SLC5A4: variants seen among roughly 807,000 people sequenced by gnomAD.
SLC5A4 encodes probable glucose sensor protein SLC5A4.
Under a neutral mutation model 70.3 loss-of-function variants are expected in SLC5A4, and 55 were observed. The observed-to-expected ratio is 0.78, with a 90% CI of 0.63 to 0.98. SLC5A4 has a LOEUF of 0.98. Among genes scored for constraint, SLC5A4 ranks in the 50% least tolerant of loss-of-function variants. The pLI, the probability that SLC5A4 is intolerant of heterozygous loss-of-function variation, is 0.00. For synonymous variants in SLC5A4, 268 were observed against 305.7 expected, an observed-to-expected ratio of 0.88 and a Z score of 1.29; for missense variants, 735 against 839.2, an observed-to-expected ratio of 0.88 and a Z score of 1.53.
the SLC5A4 span, among the ~76,000 whole-genome samples, chr22:32,292,154 TTATA>T: frequency 1.2e-4 from 6 of 50,786 alleles, no homozygotes; most frequent in Middle Eastern, 6.8e-3. Flanking sequence ...ATTCTATATA[TTATA>T]TATATAATAT....
the SLC5A4 span, chr22:32,343,095 G>A: frequency 4.6e-5 from 7 of 152,324 alleles, no homozygotes; most frequent in African/African-American, 7.2e-5. Flanking sequence ...ATGCTTTGCT[G>A]CATTCTGAAG....
the SLC5A4 span, chr22:32,270,649 C>A: frequency 2.7e-6 from 2 of 727,332 alleles, no homozygotes; most frequent in East Asian, 2.5e-5. Context: ...CGGGGACAAC[C>A]ACTACATTGT....
chr22:32,263,852 T>C, the SLC5A4 span, among the ~76,000 whole-genome samples: 10 of 152,280 alleles, frequency 6.6e-5, no homozygotes, highest in Admixed American at 2.0e-4. Context: ...ATACACACCA[T>C]GGAATACTAT....
the SLC5A4 span, among the ~76,000 whole-genome samples, chr22:32,261,180 C>T: frequency 8.5e-5 from 13 of 152,202 alleles, no homozygotes; most frequent in Non-Finnish European, 1.3e-4. Context: ...ACGCTCACTC[C>T]TCTCCCGTTT....
chr22:32,305,402 G>T, the SLC5A4 span, among the ~76,000 whole-genome samples: 1 of 140,758 alleles, frequency 7.1e-6, no homozygotes, highest in Non-Finnish European at 1.5e-5. Context: ...TGTGTGCCAG[G>T]AAAGATATAT....
chr22:32,259,967 C>T (rs776893421), upstream of SLC5A4, among the ~76,000 whole-genome samples: 3 of 152,180 alleles, frequency 2.0e-5, no homozygotes, highest in Non-Finnish European at 4.4e-5. Context: ...GAACACAGGG[C>T]GATGCCTGCC....
chr22:32,325,215 G>A, the SLC5A4 span, among the ~76,000 whole-genome samples: 1 of 152,212 alleles, frequency 6.6e-6, no homozygotes, highest in Non-Finnish European at 1.5e-5. Context: ...CCTGGGCTGG[G>A]TGCTGGGGGC....
chr22:32,220,265 A>G (rs1299212465), intron 14 of SLC5A4, among the ~76,000 whole-genome samples: 1 of 152,216 alleles, frequency 6.6e-6, no homozygotes, highest in African/African-American at 2.4e-5. Context: ...GATATAAAAA[A>G]TCAAAAGGAA....
At chr22:32,322,585 CAA>C in the SLC5A4 span, among the ~76,000 whole-genome samples, 1 of 139,552 alleles carries the variant, frequency 7.2e-6, no homozygotes. Context: ...GACTCTGTCT[CAA>C]AAAAAAAAAA....
the SLC5A4 span, among the ~76,000 whole-genome samples, chr22:32,354,176 C>G: frequency 3.4e-5 from 5 of 145,590 alleles, no homozygotes; most frequent in African/African-American, 7.7e-5. Context: ...CCCTCAATAG[C>G]GCCCCCAACC....
At chr22:32,241,220 G>A (rs2145682626) in intron 5 of SLC5A4, among the ~76,000 whole-genome samples, 1 of 152,356 alleles carries the variant, frequency 6.6e-6, no homozygotes, top group South Asian at 2.1e-4. Flanking sequence ...AACTACAGCA[G>A]AGCATAAAAT....
chr22:32,328,926 C>T, the SLC5A4 span, among the ~76,000 whole-genome samples: 73 of 152,304 alleles, frequency 4.8e-4, no homozygotes, highest in Non-Finnish European at 8.7e-4. Context: ...TGGGGAGCTC[C>T]CTGCTTACTG....
At chr22:32,220,780 A>G in intron 14 of SLC5A4, 140 bp downstream of exon 14, 2 of 676,750 alleles carry the variant, frequency 3.0e-6, no homozygotes, top group South Asian at 3.5e-5. Context: ...GGTTTTTGGA[A>G]AGGTAAAAAT....
At chr22:32,224,605 C>CA (rs1925286142) in intron 12 of SLC5A4, 123 bp from the exon 13 acceptor site, 2 of 732,548 alleles carry the variant, frequency 2.7e-6, no homozygotes, top group Non-Finnish European at 4.5e-6. Context: ...TAACCTTGGG[C>CA]ACAAGGTTAC....
the SLC5A4 span, among the ~76,000 whole-genome samples, chr22:32,291,226 T>C: frequency 7.0e-6 from 1 of 141,964 alleles, no homozygotes; most frequent in Non-Finnish European, 1.5e-5. Context: ...TTTTTTGAGA[T>C]GGAGTCTTTC....
chr22:32,341,700 G>T, the SLC5A4 span, among the ~76,000 whole-genome samples: 1 of 152,140 alleles, frequency 6.6e-6, no homozygotes. Flanking sequence ...TGGCCTAAAT[G>T]GCCCCTTATG....
chr22:32,354,432 T>C, the SLC5A4 span, among the ~76,000 whole-genome samples: 1 of 147,622 alleles, frequency 6.8e-6, no homozygotes, highest in South Asian at 2.2e-4. Flanking sequence ...AGCCAGCTTC[T>C]AGACGCAGGC....
At chr22:32,287,184 T>C in the SLC5A4 span, among the ~76,000 whole-genome samples, 1 of 152,206 alleles carries the variant, frequency 6.6e-6, no homozygotes, top group Non-Finnish European at 1.5e-5. Flanking sequence ...GCTCGGACTA[T>C]TCATGACTTA....
intron 13 of SLC5A4, among the ~76,000 whole-genome samples, chr22:32,224,041 C>T (rs559547054): frequency 2.0e-5 from 3 of 152,260 alleles, no homozygotes; most frequent in African/African-American, 2.4e-5. Context: ...CTGCCTCAGC[C>T]TCCCGAGCAG....
Sources: allele counts gnomAD v4.1 joint callset (sites outside exome capture counted in the v4.1 genomes callset), GRCh38; gene constraint gnomAD v4.1.1; transcripts MANE v1.5; gene names NCBI Gene and HGNC (gene_info 2026-07-23, HGNC 2026-07-21).